The following NCOA2 variants were observed in gnomAD, a reference collection of about 807,000 sequenced individuals.
NCOA2 encodes nuclear receptor coactivator 2, also known as class E basic helix-loop-helix protein 75.
A neutral mutation model predicts 145.1 loss-of-function variants in NCOA2; 21 were observed. The ratio of observed to expected loss-of-function variants is 0.14; its 90% CI spans 0.10 to 0.21. The LOEUF is 0.21. Ranked by LOEUF, NCOA2 falls within the 10% of genes least tolerant of loss-of-function variation. The pLI, the probability that NCOA2 is intolerant of heterozygous loss-of-function variation, is 1.00. For synonymous variants in NCOA2, 619 were observed against 637.5 expected, an observed-to-expected ratio of 0.97 and a Z score of 0.44; for missense variants, 1,472 against 1,837.6, an observed-to-expected ratio of 0.80 and a Z score of 3.64.
intron 1 of NCOA2, among the ~76,000 whole-genome samples, chr8:70,368,182 T>C (rs1395410083): frequency 6.6e-6 from 1 of 152,218 alleles, no homozygotes; most frequent in Non-Finnish European, 1.5e-5. Context: ...GAAAGTTAAA[T>C]GTGGCTTATT....
chr8:70,337,884 G>A (rs565020296), intron 1 of NCOA2, among the ~76,000 whole-genome samples: 2 of 152,276 alleles, frequency 1.3e-5, no homozygotes, highest in South Asian at 4.1e-4. Flanking sequence ...TCAAGTTCTT[G>A]AAACTAATGA....
At chr8:70,303,754 T>G (rs1003922489) in intron 1 of NCOA2, among the ~76,000 whole-genome samples, 1 of 152,128 alleles carries the variant, frequency 6.6e-6, no homozygotes, top group African/African-American at 2.4e-5. Context: ...TAGGGTGCTT[T>G]GCCAAAAAAC....
chr8:70,282,827 A>G (rs1705114612), intron 2 of NCOA2, among the ~76,000 whole-genome samples: 1 of 152,208 alleles, frequency 6.6e-6, no homozygotes, highest in Admixed American at 6.5e-5. Context: ...GTGTAATATT[A>G]AACCCAAGTG....
rs1346777309 is a variant in NCOA2 at position 70,170,273 on chromosome 8, T to C, written c.470A>G (p.Lys157Arg). The C allele has an allele frequency of 6.2e-7, 1 of 1,612,852 alleles. No individual in the cohort carries two copies. The highest frequency in any genetic ancestry group is 1.7e-5 in the Admixed American group (1 of 59,836). Residue 157 changes from lysine to arginine, a missense_variant, in exon 6 of 23, where the codon AAA (lysine) becomes AGA (arginine). Physicochemically the swap from Lys to Arg is conservative, Grantham distance 26. Coordinates refer to ENST00000452400, the MANE Select transcript of NCOA2 (RefSeq NM_006540.4). ...LRYNQEELMN[K>R]SVYSILHVGD... ...AACATGCAAGATGCTATATACACTT[T>C]TGTTCATCAGCTCTTCTTGGTTATA...
intron 2 of NCOA2, among the ~76,000 whole-genome samples, chr8:70,289,826 C>T (rs1826525485): frequency 6.7e-6 from 1 of 149,814 alleles, no homozygotes; most frequent in Non-Finnish European, 1.5e-5. Context: ...GTGCTACACA[C>T]TTTTTTTTTT....
chr8:70,294,339 C>T (rs956200153), intron 2 of NCOA2, among the ~76,000 whole-genome samples: 1 of 152,144 alleles, frequency 6.6e-6, no homozygotes, highest in Non-Finnish European at 1.5e-5. Context: ...ACAGATGCCA[C>T]TTACAATCTA....
chr8:70,371,736 G>A (rs1378653542), intron 1 of NCOA2, among the ~76,000 whole-genome samples: 1 of 152,178 alleles, frequency 6.6e-6, no homozygotes, highest in African/African-American at 2.4e-5. Flanking sequence ...TCAGTCCCAA[G>A]AGGACATAAG....
chr8:70,442,911 C>A, the NCOA2 span, among the ~76,000 whole-genome samples: 2 of 152,104 alleles, frequency 1.3e-5, no homozygotes, highest in Admixed American at 6.5e-5. Flanking sequence ...ATCTTAGAAT[C>A]CTCCAAATAA....
intron 1 of NCOA2, among the ~76,000 whole-genome samples, chr8:70,399,701 T>C (rs1357557138): frequency 1.3e-5 from 2 of 152,272 alleles, no homozygotes; most frequent in African/African-American, 2.4e-5. Context: ...ACTTCGATCA[T>C]GACACAATAA....
chr8:70,412,993 G>A, the NCOA2 span, among the ~76,000 whole-genome samples: 2 of 151,786 alleles, frequency 1.3e-5, no homozygotes, highest in African/African-American at 2.4e-5. Flanking sequence ...AGCTACTTGG[G>A]AGGCTGAGGC....
At chr8:70,348,303 T>C (rs529191214) in intron 1 of NCOA2, among the ~76,000 whole-genome samples, 2 of 152,316 alleles carry the variant, frequency 1.3e-5, no homozygotes, top group South Asian at 2.1e-4. Context: ...AAAACACTTA[T>C]GCTAGAATAC....
At chr8:70,121,412 C>A in intron 21 of NCOA2, 21 bp from the exon 22 acceptor site, 2 of 1,587,768 alleles carry the variant, frequency 1.3e-6, no homozygotes, top group Non-Finnish European at 1.7e-6. Context: ...GAAGACAGGA[C>A]AGTGGCTACG....
chr8:70,185,437 C>T (rs773177500), intron 4 of NCOA2, among the ~76,000 whole-genome samples: 3 of 152,132 alleles, frequency 2.0e-5, no homozygotes, highest in South Asian at 2.1e-4. Flanking sequence ...CATAAATATA[C>T]GCAGCACCAT....
chr8:70,235,314 G>C (rs1205068179), intron 2 of NCOA2, among the ~76,000 whole-genome samples: 1 of 152,016 alleles, frequency 6.6e-6, no homozygotes, highest in Non-Finnish European at 1.5e-5. Context: ...AGTTATTAAT[G>C]GTTTCTATTT....
chr8:70,355,640 C>T (rs952486596), intron 1 of NCOA2, among the ~76,000 whole-genome samples: 4 of 151,798 alleles, frequency 2.6e-5, no homozygotes, highest in Admixed American at 2.0e-4. Flanking sequence ...TGGCCCAAGA[C>T]AATTCTTCTT....
chr8:70,323,263 A>C lies in NCOA2; in HGVS notation c.-76-26463T>G, dbSNP rs73684277. On this transcript the variant is annotated intron_variant, in intron 1 of 22. Coordinates refer to ENST00000452400, the MANE Select transcript of NCOA2 (RefSeq NM_006540.4). The stretch of plus-strand genomic sequence containing the variant: ...TAGAGTTTACCATCTAGAGGAAACA[A>C]ACTAAAAGAAGTTTAAAAGAAAATG... Among the ~76,000 whole-genome samples, 574 of 152,364 alleles carry C rather than the reference A, an allele frequency of 3.8e-3. 8 individuals carry two copies. The highest frequency in any genetic ancestry group is 0.013 in the African/African-American group (558 of 41,582).
At chr8:70,310,938 AT>A (rs1254552935) in intron 1 of NCOA2, among the ~76,000 whole-genome samples, 1 of 152,204 alleles carries the variant, frequency 6.6e-6, no homozygotes, top group Non-Finnish European at 1.5e-5. Flanking sequence ...TCTACATGGT[AT>A]TTTTAAATAA....
chr8:70,389,367 GC>G (rs1482198766), intron 1 of NCOA2, among the ~76,000 whole-genome samples: 3 of 151,760 alleles, frequency 2.0e-5, no homozygotes, highest in Non-Finnish European at 4.4e-5. Flanking sequence ...CGCAACCTCC[GC>G]CTCTGGGGTT....
intron 1 of NCOA2, among the ~76,000 whole-genome samples, chr8:70,360,392 C>T (rs1386729097): frequency 6.6e-6 from 1 of 152,192 alleles, no homozygotes; most frequent in Non-Finnish European, 1.5e-5. Flanking sequence ...CAAAACAACA[C>T]ATAAATTAAA....
Sources: allele counts gnomAD v4.1 joint callset (sites outside exome capture counted in the v4.1 genomes callset), GRCh38; gene constraint gnomAD v4.1.1; transcripts MANE v1.5; gene names NCBI Gene and HGNC (gene_info 2026-07-23, HGNC 2026-07-21).